Variants in ASTN2 observed in about 807,000 individuals in gnomAD.
The protein encoded by ASTN2 is astrotactin-2.
A neutral mutation model predicts 139.8 loss-of-function variants in ASTN2; 54 were observed. The ratio of observed to expected loss-of-function variants is 0.39; its 90% confidence interval spans 0.31 to 0.48. ASTN2 has a LOEUF of 0.48. ASTN2 is among the 20% of genes least tolerant of loss of function. The pLI, the probability that ASTN2 is intolerant of heterozygous loss-of-function variation, is 0.95. For synonymous variants in ASTN2, 756 were observed against 719.5 expected (o/e 1.05, Z -0.81); for missense variants, 1,565 against 1,725.1 (o/e 0.91, Z 1.64).
intron 6 of ASTN2, among the ~76,000 whole-genome samples, chr9:117,025,157 C>T (rs747907539): frequency 2.6e-5 from 4 of 152,100 alleles, no homozygotes; most frequent in Non-Finnish European, 5.9e-5. Flanking sequence ...GAAAGAAATG[C>T]TGCAAAGAAA....
chr9:117,002,553 G>A (rs946671784), intron 7 of ASTN2, among the ~76,000 whole-genome samples: 9 of 152,122 alleles, frequency 5.9e-5, no homozygotes, highest in Non-Finnish European at 1.2e-4. Context: ...AGTTGTTGGC[G>A]ACCCAGTTTT....
At chr9:116,871,325 C>T (rs1833160439) in intron 10 of ASTN2, among the ~76,000 whole-genome samples, 1 of 152,116 alleles carries the variant, frequency 6.6e-6, no homozygotes, top group Non-Finnish European at 1.5e-5. Flanking sequence ...AGAAAGAACG[C>T]TTTGTTGAGA....
intron 1 of ASTN2, among the ~76,000 whole-genome samples, chr9:117,404,088 G>A (rs1183454079): frequency 2.6e-5 from 4 of 152,176 alleles, no homozygotes; most frequent in Non-Finnish European, 5.9e-5. Flanking sequence ...CAGATGCTGC[G>A]CTAGGTGCTT....
intron 5 of ASTN2, among the ~76,000 whole-genome samples, chr9:117,040,794 AG>A (rs1432161759): frequency 6.6e-6 from 1 of 152,202 alleles, no homozygotes; most frequent in East Asian, 1.9e-4. Flanking sequence ...AATATCTCAC[AG>A]GGTTCTTGTG....
At chr9:116,754,561 A>T (rs539477692) in intron 13 of ASTN2, among the ~76,000 whole-genome samples, 2 of 152,332 alleles carry the variant, frequency 1.3e-5, no homozygotes, top group East Asian at 3.9e-4. Context: ...ATACAGCCAC[A>T]TCCATTTGTT....
chr9:117,205,838 T>A lies in ASTN2; in HGVS notation c.1015+8520A>T, dbSNP rs537333480. On this transcript the variant is annotated intron_variant, in intron 3 of 22. Coordinates refer to ENST00000313400, the MANE Select transcript of ASTN2 (RefSeq NM_001365068.1). The stretch of plus-strand genomic sequence containing the variant: ...GGAATGAAGAGATAAAGAAGAACTG[T>A]GCCTTTGTTGCATTTGTCTAAAGGA... 2.6e-5 allele frequency among the ~76,000 whole-genome samples: 4 copies of A among 152,344 alleles called. No individual in the cohort carries two copies. In the South Asian group the frequency reaches 8.3e-4, roughly 32 times the overall value.
intron 4 of ASTN2, among the ~76,000 whole-genome samples, chr9:117,111,567 G>A (rs1829251556): frequency 1.3e-5 from 2 of 152,052 alleles, no homozygotes; most frequent in South Asian, 4.1e-4. Flanking sequence ...AAGGACCCAT[G>A]GGACAATATC....
At chr9:117,151,367 G>A (rs937061187) in intron 3 of ASTN2, among the ~76,000 whole-genome samples, 1 of 152,100 alleles carries the variant, frequency 6.6e-6, no homozygotes, top group Non-Finnish European at 1.5e-5. Context: ...AACTCCGTGG[G>A]AGTAGAGCCA....
chr9:116,733,326 C>T, intron 14 of ASTN2, 73 bp downstream of exon 14: 2 of 1,575,602 alleles, frequency 1.3e-6, no homozygotes, highest in Non-Finnish European at 1.7e-6. Context: ...CTGCTGAAGA[C>T]TGATATGCAC....
chr9:117,399,871 G>T (rs1399857325), intron 1 of ASTN2, among the ~76,000 whole-genome samples: 3 of 152,230 alleles, frequency 2.0e-5, no homozygotes, highest in African/African-American at 7.2e-5. Context: ...GCATTGCATT[G>T]AGAAAGAATC....
chr9:116,931,054 G>A (rs1043160460), intron 10 of ASTN2, among the ~76,000 whole-genome samples: 2 of 151,534 alleles, frequency 1.3e-5, no homozygotes, highest in South Asian at 4.2e-4. Context: ...CCTACTACTC[G>A]CCCCAGCTTA....
intron 3 of ASTN2, among the ~76,000 whole-genome samples, chr9:117,149,523 T>C (rs1310847832): frequency 6.6e-6 from 1 of 152,114 alleles, no homozygotes; most frequent in Non-Finnish European, 1.5e-5. Flanking sequence ...GTCCTCGGGC[T>C]TTGGACTTTG....
At chr9:117,384,583 G>C (rs1214624659) in intron 1 of ASTN2, among the ~76,000 whole-genome samples, 1 of 152,140 alleles carries the variant, frequency 6.6e-6, no homozygotes, top group African/African-American at 2.4e-5. Flanking sequence ...CCACTAACTT[G>C]ATAAGTAACT....
chr9:116,994,145 A>C (rs1000131237), intron 7 of ASTN2, among the ~76,000 whole-genome samples: 5 of 152,046 alleles, frequency 3.3e-5, no homozygotes, highest in African/African-American at 1.2e-4. Flanking sequence ...GAATTGGCAA[A>C]ATTTTTCTGT....
chr9:116,754,144 CT>C (rs1415746943), intron 13 of ASTN2, among the ~76,000 whole-genome samples: 5 of 152,128 alleles, frequency 3.3e-5, no homozygotes, highest in South Asian at 2.1e-4. Context: ...CATAACTCAT[CT>C]TTTTTTATGG....
chr9:117,025,801 T>C (rs1588491507), intron 6 of ASTN2, among the ~76,000 whole-genome samples: 1 of 151,274 alleles, frequency 6.6e-6, no homozygotes, highest in East Asian at 1.9e-4. Context: ...TTCTTTTCTT[T>C]TTTTTTTTTT....
chr9:116,969,954 C>T (rs1450933752), intron 10 of ASTN2, among the ~76,000 whole-genome samples: 1 of 152,146 alleles, frequency 6.6e-6, no homozygotes, highest in African/African-American at 2.4e-5. Context: ...AAGGTGTCAG[C>T]AAGGTGGTCC....
chr9:116,501,714 AG>A (rs1849860533), intron 19 of ASTN2, among the ~76,000 whole-genome samples: 1 of 130,942 alleles, frequency 7.6e-6, no homozygotes, highest in Admixed American at 7.6e-5. Flanking sequence ...GGGTGGGGGC[AG>A]GGGGGAGGGA....
chr9:117,092,272 C>T (rs1828724765), intron 5 of ASTN2, among the ~76,000 whole-genome samples: 1 of 152,010 alleles, frequency 6.6e-6, no homozygotes, highest in African/African-American at 2.4e-5. Context: ...ACTTTGTCTT[C>T]CAAAATCTTC....
Sources: allele counts gnomAD v4.1 joint callset (sites outside exome capture counted in the v4.1 genomes callset), GRCh38; gene constraint gnomAD v4.1.1; transcripts MANE v1.5; gene names NCBI Gene and HGNC (gene_info 2026-07-23, HGNC 2026-07-21).